Variants in RXRA observed in about 807,000 individuals in gnomAD.
RXRA encodes the protein retinoid X receptor alpha.
A neutral mutation model predicts 44.5 loss-of-function variants in RXRA; 5 were observed. The ratio of observed to expected loss-of-function variants is 0.11; its 90% confidence interval spans 0.06 to 0.24. The LOEUF (loss-of-function observed/expected upper bound fraction) is 0.24, where lower values mean the gene tolerates loss of function less well. Ranked by LOEUF, RXRA falls within the 10% of genes least tolerant of loss-of-function variation. The pLI, the probability that RXRA is intolerant of heterozygous loss-of-function variation, is 1.00. For missense variants in RXRA, 412 were observed against 646.5 expected, an observed-to-expected ratio of 0.64 and a Z score of 3.93; for synonymous variants, 291 against 271.4, an observed-to-expected ratio of 1.07 and a Z score of -0.71.
At position 134,363,208 on chromosome 9, in the gene RXRA, T is replaced by G. The variant is rs188732141; in HGVS notation, c.28+36549T>G. ...GGGACCTTTTGGGAGTCGTCATTAG[T>G]GATGGAAGTAACCCAAGTCATGGCC... On this transcript the variant is annotated intron_variant, in intron 1 of 9. Transcript: ENST00000481739. 6.8e-3 allele frequency among the ~76,000 whole-genome samples: 1,031 copies of G among 152,176 alleles called. 28 individuals carry two copies. Among genetic ancestry groups the G allele is most frequent in the Non-Finnish European group, 4.9e-3 (332 of 67,998 alleles).
At chr9:134,390,888 G>C (rs944816669) in intron 1 of RXRA, among the ~76,000 whole-genome samples, 10 of 152,342 alleles carry the variant, frequency 6.6e-5, no homozygotes, top group African/African-American at 2.4e-4. Flanking sequence ...CTGCGTGCTA[G>C]GGTGGGCCTG....
rs1382560342 is a variant in RXRA, at chr9:134,407,605, C to T, written c.280-544C>T. On this transcript the variant is annotated intron_variant, in intron 2 of 9. Coordinates refer to ENST00000481739, the MANE Select transcript of RXRA (RefSeq NM_002957.6). This position sits in a 1 kb window ranked among gnomAD's most constrained non-coding sequence, Gnocchi z 4.8. ...ACCCGATGCCCGGGGGTGTCCACTCCCCTCTCCTGGGTCACGTGACCAGGG... is the reference window on the plus strand; with the variant it reads ...ACCCGATGCCCGGGGGTGTCCACTCTCCTCTCCTGGGTCACGTGACCAGGG... 4.6e-5 allele frequency among the ~76,000 whole-genome samples: 7 copies of T among 152,000 alleles called. No individual in the cohort carries two copies. The highest frequency in any genetic ancestry group is 1.7e-4 in the African/African-American group (7 of 41,400).
intron 1 of RXRA, among the ~76,000 whole-genome samples, chr9:134,353,121 G>T (rs1588259448): frequency 1.3e-5 from 2 of 152,126 alleles, no homozygotes; most frequent in South Asian, 4.1e-4. Flanking sequence ...GGGGCTGCTG[G>T]TGTGGCTGGG....
At chr9:134,391,621 G>A (rs1417731913) in intron 1 of RXRA, among the ~76,000 whole-genome samples, 1 of 152,204 alleles carries the variant, frequency 6.6e-6, no homozygotes, top group African/African-American at 2.4e-5. Context: ...CTGGAAGGGA[G>A]GCTGCGCTGC....
chr9:134,339,937 A>T (rs1461600427), intron 1 of RXRA, among the ~76,000 whole-genome samples: 1 of 151,622 alleles, frequency 6.6e-6, no homozygotes, highest in African/African-American at 2.4e-5. Context: ...GTGAGTGTGC[A>T]CGCCTGTGCT....
intron 5 of RXRA, among the ~76,000 whole-genome samples, chr9:134,420,428 A>G (rs34622612): frequency 0.068 from 10,303 of 151,894 alleles, 485 homozygotes; most frequent in Middle Eastern, 0.19. Context: ...GGTCAACCCC[A>G]CTCAGCCGAG....
chr9:134,436,560 A>G lies in RXRA; in HGVS notation c.1335A>G (p.Thr445=). 1 of 1,614,078 alleles carries G rather than the reference A, an allele frequency of 6.2e-7. No homozygotes were observed. ...HLFFFKLIGD[T]PIDTFLMEML... ...TCTTCTTCAAGCTCATCGGGGACAC[A>G]CCCATTGACACCTTCCTTATGGAGA... is the stretch of plus-strand genomic sequence containing the variant. Residue 445 remains threonine, a synonymous_variant, in exon 10 of 10, where the codon ACA becomes ACG. Coordinates refer to ENST00000481739, the MANE Select transcript of RXRA (RefSeq NM_002957.6).
At chr9:134,381,507 G>A (rs981381725) in intron 1 of RXRA, among the ~76,000 whole-genome samples, 1 of 152,098 alleles carries the variant, frequency 6.6e-6, no homozygotes, top group Non-Finnish European at 1.5e-5. Context: ...TGTGTGTGCT[G>A]TAAGGGCCAG....
intron 7 of RXRA, among the ~76,000 whole-genome samples, chr9:134,431,303 C>T (rs942163985): frequency 2.0e-5 from 3 of 152,236 alleles, no homozygotes; most frequent in African/African-American, 7.2e-5. Flanking sequence ...CAAGAACGCC[C>T]CCAGCGTCTC....
intron 1 of RXRA, chr9:134,379,965 G>C (rs1339811848): frequency 3.0e-6 from 3 of 985,182 alleles, no homozygotes; most frequent in Non-Finnish European, 3.6e-6. Context: ...CTGGGGGTTG[G>C]TGGAGGCCTC....
At chr9:134,431,613 C>G (rs1420425806) in intron 7 of RXRA, among the ~76,000 whole-genome samples, 1 of 152,212 alleles carries the variant, frequency 6.6e-6, no homozygotes, top group African/African-American at 2.4e-5. Flanking sequence ...TGTCACGAGG[C>G]CCCTCCTTAG....
chr9:134,394,161 GTGGTGATCA>G (rs1830841223), intron 1 of RXRA, among the ~76,000 whole-genome samples: 1 of 10,656 alleles, frequency 9.4e-5, no homozygotes, highest in Non-Finnish European at 1.9e-4. Flanking sequence ...GTTGGTGATG[GTGGTGATCA>G]TGGTGGTGAT....
At chr9:134,430,417 A>C (rs1029228117) in intron 7 of RXRA, among the ~76,000 whole-genome samples, 2 of 152,216 alleles carry the variant, frequency 1.3e-5, no homozygotes, top group African/African-American at 4.8e-5. Context: ...GAGGCCATGC[A>C]CCGGCACTTA....
intron 1 of RXRA, among the ~76,000 whole-genome samples, chr9:134,380,397 G>A (rs1033002028): frequency 6.6e-6 from 1 of 152,050 alleles, no homozygotes; most frequent in Non-Finnish European, 1.5e-5. Context: ...TGGGGACTTC[G>A]CCTGGGGTCG....
chr9:134,404,949 G>C (rs1831025647), intron 2 of RXRA: 1 of 152,318 alleles, frequency 6.6e-6, no homozygotes, highest in African/African-American at 2.4e-5. Flanking sequence ...AAGTGCCAAG[G>C]ATCTGAAAGG....
intron 1 of RXRA, among the ~76,000 whole-genome samples, chr9:134,360,391 C>T (rs893066821): frequency 6.6e-6 from 1 of 152,172 alleles, no homozygotes; most frequent in East Asian, 1.9e-4. Flanking sequence ...CTGGGCTTGC[C>T]GACGCCTGGA....
rs375533325 is a variant in RXRA, at chr9:134,357,922, G to A, written c.28+31263G>A. ...GCGGACCCTGTGGGCAAGGGGAGGA[G>A]CCACAGCAGAGGAGGAGGAGGAGGA... is the stretch of plus-strand genomic sequence containing the variant. On this transcript the variant is annotated intron_variant, in intron 1 of 9. Transcript: ENST00000481739. Among the ~76,000 whole-genome samples, 11 of 152,282 alleles carry A rather than the reference G, an allele frequency of 7.2e-5. No homozygotes were observed. In the East Asian group the frequency reaches 1.7e-3, roughly 24 times the overall value.
intron 1 of RXRA, among the ~76,000 whole-genome samples, chr9:134,372,846 C>G (rs1277001019): frequency 6.6e-6 from 1 of 152,224 alleles, no homozygotes; most frequent in Non-Finnish European, 1.5e-5. Flanking sequence ...CTCAGGCTCT[C>G]TGGTCTGGAC....
intron 1 of RXRA, among the ~76,000 whole-genome samples, chr9:134,326,999 G>A (rs1164243110): frequency 1.3e-5 from 2 of 151,684 alleles, no homozygotes; most frequent in Non-Finnish European, 2.9e-5. Flanking sequence ...CCCGGCCGGA[G>A]CGGGAGGAGC....
Sources: allele counts gnomAD v4.1 joint callset (sites outside exome capture counted in the v4.1 genomes callset), GRCh38; gene constraint gnomAD v4.1.1; non-coding constraint Gnocchi (gnomAD v3.1); transcripts MANE v1.5; gene names NCBI Gene and HGNC (gene_info 2026-07-23, HGNC 2026-07-21).